The following APMAP variants were observed in gnomAD, a reference collection of about 807,000 sequenced individuals.
The protein encoded by APMAP is adipocyte plasma membrane associated protein, also known as adipocyte plasma membrane-associated protein.
APMAP carries 33 observed loss-of-function variants against 43.6 expected under a neutral mutation model. The ratio of observed to expected loss-of-function variants is 0.76; its 90% CI spans 0.57 to 1.01. The LOEUF (loss-of-function observed/expected upper bound fraction) is 1.01. Ranked by LOEUF, APMAP falls within the 50% of genes least tolerant of loss-of-function variation. The pLI is 0.00. For missense variants in APMAP, 498 were observed against 540.7 expected, an observed-to-expected ratio of 0.92 and a Z score of 0.78; for synonymous variants, 224 against 216.7, an observed-to-expected ratio of 1.03 and a Z score of -0.30.
intron 2 of APMAP, among the ~76,000 whole-genome samples, chr20:24,981,530 G>A (rs879328563): frequency 4.6e-5 from 7 of 152,186 alleles, no homozygotes; most frequent in African/African-American, 7.2e-5. Flanking sequence ...CCTCCCCAGC[G>A]GGTCTCCTGT....
chr20:24,966,679 C>T (rs1031703943), intron 8 of APMAP, among the ~76,000 whole-genome samples: 3 of 152,318 alleles, frequency 2.0e-5, no homozygotes, highest in South Asian at 2.1e-4. Context: ...GCTGAATATC[C>T]CCCAGACTGA....
chr20:24,978,816 C>A lies in APMAP; in HGVS notation c.279G>T (p.Arg93Ser), dbSNP rs1445853340. ...GTCCAACAAGTTGATTTTCAAACAG[C>A]CTTTCTGCCTGTCGCAGCTTCGTAT... The part of the protein sequence containing the change: ...HPNTKLRQAE[R>S]LFENQLVGPE... The change falls in exon 3 of 9, where the codon AGG (arginine) becomes AGT (serine). Residue 93 changes from arginine (R) to serine (S), a missense_variant. Transcript: ENST00000217456. The A allele has an allele frequency of 6.2e-7, 1 of 1,607,758 alleles. No individual in the cohort carries two copies. The highest frequency in any genetic ancestry group is 8.5e-7 in the Non-Finnish European group (1 of 1,176,126).
At chr20:24,983,772 T>C in intron 2 of APMAP, 131 bp downstream of exon 2, 1 of 600,064 alleles carries the variant, frequency 1.7e-6, no homozygotes, top group African/African-American at 1.9e-5. Context: ...ACTAAAGAAA[T>C]CACAAAACTC....
intron 3 of APMAP, 104 bp from the exon 4 acceptor site, chr20:24,973,841 A>G: frequency 3.3e-6 from 3 of 908,412 alleles, no homozygotes; most frequent in South Asian, 1.6e-5. Context: ...CCCCTGCCCT[A>G]TAGAGGAAAT....
chr20:24,973,706 C>A lies in APMAP; in HGVS notation c.360G>T (p.Arg120=). The part of the protein sequence containing the change: ...DVMFTGTADG[R]VVKLENGEIE... ...TTTCACCATTTTCAAGTTTTACGAC[C>A]CGGCCATCTGCTGTCCCAGTAAACA... The change falls in exon 4 of 9, where the codon CGG becomes CGT. Residue 120 remains arginine (R), a synonymous_variant. Transcript: ENST00000217456. 1.2e-6 allele frequency: 2 copies of A among 1,614,150 alleles called. No individual in the cohort carries two copies. The highest frequency in any genetic ancestry group is 8.5e-7 in the Non-Finnish European group (1 of 1,180,010).
intron 3 of APMAP, among the ~76,000 whole-genome samples, chr20:24,977,066 C>T (rs2122507835): frequency 6.6e-6 from 1 of 152,340 alleles, no homozygotes; most frequent in Admixed American, 6.5e-5. Context: ...AGAGGATTTT[C>T]AGGGCAGTGA....
At chr20:24,970,643 T>C (rs986824140) in intron 5 of APMAP, among the ~76,000 whole-genome samples, 2 of 152,222 alleles carry the variant, frequency 1.3e-5, no homozygotes, top group African/African-American at 2.4e-5. Flanking sequence ...ACTGCAAGTG[T>C]TAGGCAGGCT....
rs759755046 is a variant in APMAP, at chr20:24,978,743, C to CCG, written c.328+23_328+24insCG. The CCG allele has an allele frequency of 1.7e-5, 21 of 1,269,350 alleles. 1 individual carries two copies. Among genetic ancestry groups the CCG allele is most frequent in the Middle Eastern group, 2.5e-4 (1 of 4,000 alleles). 78.6% of individuals were successfully genotyped at this position (1,269,350 alleles called of 1,614,324 possible). On this transcript the variant is annotated intron_variant, in intron 3 of 8. Coordinates refer to ENST00000217456, the MANE Select transcript of APMAP (RefSeq NM_020531.3). ...GACAACAGACAGCCTGGAAGGCTCCCCCCCCACCCAAGCTTAGACTTACCC... is the reference window on the plus strand; with the variant it reads ...GACAACAGACAGCCTGGAAGGCTCCCCGCCCCCACCCAAGCTTAGACTTACCC...
intron 4 of APMAP, 119 bp from the exon 5 acceptor site, chr20:24,971,695 G>T: frequency 1.2e-6 from 1 of 861,458 alleles, no homozygotes; most frequent in Non-Finnish European, 1.9e-6. Context: ...AACAAGACAA[G>T]ACCATGGCAT....
chr20:24,970,409 T>G, intron 5 of APMAP, 38 bp from the exon 6 acceptor site: 1 of 1,566,142 alleles, frequency 6.4e-7, no homozygotes, highest in Non-Finnish European at 8.7e-7. Flanking sequence ...TGACTTGAAC[T>G]AGGAACTTCT....
At chr20:24,980,770 G>A (rs558927708) in intron 2 of APMAP, among the ~76,000 whole-genome samples, 1 of 151,726 alleles carries the variant, frequency 6.6e-6, no homozygotes, top group South Asian at 2.1e-4. Context: ...GCTTCGCTCG[G>A]CCTCGGTCAC....
In APMAP at chr20:24,983,890, C is replaced by A. The variant is rs368840746; in HGVS notation, c.212+13G>T. On this transcript the variant is annotated intron_variant, in intron 2 of 8. Coordinates refer to ENST00000217456, the MANE Select transcript of APMAP (RefSeq NM_020531.3). ...GTCAAGCAACCCCTCCTGAGGACTGCGGGGCAGCCTACCTGAGAGGCTGTG... is the reference window on the plus strand; with the variant it reads ...GTCAAGCAACCCCTCCTGAGGACTGAGGGGCAGCCTACCTGAGAGGCTGTG... 24 of 1,575,318 alleles carry A rather than the reference C, an allele frequency of 1.5e-5. No individual in the cohort carries two copies. The highest frequency in any genetic ancestry group is 2.1e-5 in the Non-Finnish European group (24 of 1,147,226).
chr20:24,982,558 C>A (rs531581162), intron 2 of APMAP, among the ~76,000 whole-genome samples: 14 of 152,242 alleles, frequency 9.2e-5, no homozygotes, highest in Non-Finnish European at 2.1e-4. Context: ...TCTTTCCACA[C>A]ATAAAATCAT....
In APMAP at chr20:24,984,181, T is replaced by C. The variant is rs144734355; in HGVS notation, c.96-162A>G. On this transcript the variant is annotated intron_variant, in intron 1 of 8. Coordinates refer to ENST00000217456, the MANE Select transcript of APMAP (RefSeq NM_020531.3). ...GTGATTAAACTCTAGCACTATTTGCTAGGATTGGCAAACACACTTTTGTTG... is the reference window on the plus strand; with the variant it reads ...GTGATTAAACTCTAGCACTATTTGCCAGGATTGGCAAACACACTTTTGTTG... 4.5e-3 allele frequency among the ~76,000 whole-genome samples: 684 copies of C among 152,284 alleles called. 1 individual carries two copies. The highest frequency in any genetic ancestry group is 7.4e-3 in the Non-Finnish European group (502 of 68,022).
At chr20:24,969,115 C>A in intron 7 of APMAP, 31 bp from the exon 8 acceptor site, 3 of 1,534,128 alleles carry the variant, frequency 2.0e-6, no homozygotes, top group South Asian at 2.5e-5. Flanking sequence ...GAGAGTGAAC[C>A]ATAGCCCCTC....
intron 3 of APMAP, among the ~76,000 whole-genome samples, chr20:24,977,197 A>T (rs1418295795): frequency 1.3e-5 from 2 of 152,252 alleles, no homozygotes; most frequent in African/African-American, 2.4e-5. Context: ...TGACGTATTG[A>T]TGTGAGTACA....
chr20:24,987,512 G>A (rs559663212), intron 1 of APMAP, among the ~76,000 whole-genome samples: 1 of 152,272 alleles, frequency 6.6e-6, no homozygotes, highest in South Asian at 2.1e-4. Flanking sequence ...TTGCTTTTAT[G>A]GGGTGATGAA....
rs112803968 is a variant in APMAP, at chr20:24,967,217, C to T, written c.1041+1675G>A. Among the ~76,000 whole-genome samples the T allele has an allele frequency of 6.1e-3, 928 of 152,312 alleles. 14 individuals carry two copies. The highest frequency in any genetic ancestry group is 0.022 in the African/African-American group (904 of 41,570). On this transcript the variant is annotated intron_variant, in intron 8 of 8. Transcript: ENST00000217456. Reference sequence around the variant, plus strand: ...GGCTGAGGCAGGAGAATCACTTGAGCCCAGGAGGCAGAGGTTGCAGTGAGC... The same window carrying T: ...GGCTGAGGCAGGAGAATCACTTGAGTCCAGGAGGCAGAGGTTGCAGTGAGC...
At chr20:24,991,720 T>TG (rs2088194058) in intron 1 of APMAP, among the ~76,000 whole-genome samples, 1 of 152,216 alleles carries the variant, frequency 6.6e-6, no homozygotes, top group African/African-American at 2.4e-5. Context: ...GCTTGGTCTA[T>TG]GGGGCCTCTT....
Sources: allele counts gnomAD v4.1 joint callset (sites outside exome capture counted in the v4.1 genomes callset), GRCh38; gene constraint gnomAD v4.1.1; transcripts MANE v1.5; gene names NCBI Gene and HGNC (gene_info 2026-07-23, HGNC 2026-07-21).